The following KCNK2 variants were observed in gnomAD, a reference collection of about 807,000 sequenced individuals.
The protein encoded by KCNK2 is potassium two pore domain channel subfamily K member 2.
A neutral mutation model predicts 40.5 loss-of-function variants in KCNK2; 21 were observed. That is an observed-to-expected ratio of 0.52 (90% CI 0.37 to 0.75). KCNK2 has a LOEUF of 0.75. Among genes scored for constraint, KCNK2 ranks in the 30% least tolerant of loss-of-function variants. KCNK2 has a pLI of 0.00. For synonymous variants in KCNK2, 191 were observed against 202.2 expected (o/e 0.94, Z 0.47); for missense variants, 399 against 531.6 (o/e 0.75, Z 2.45).
At chr1:215,117,404 C>T (rs1660993592) in intron 2 of KCNK2, among the ~76,000 whole-genome samples, 1 of 152,026 alleles carries the variant, frequency 6.6e-6, no homozygotes, top group African/African-American at 2.4e-5. Flanking sequence ...AAGTATGTAT[C>T]CTTCACTGTA....
In KCNK2 at chr1:215,047,599, G is replaced by A. The variant is rs376790662; in HGVS notation, c.35-38769G>A. On this transcript the variant is annotated intron_variant, in intron 1 of 6. Coordinates refer to the KCNK2 transcript ENST00000391895. ...ATATACATCAATCCTATTAAGCAATGTAAGCAATGGTATTGATGTTTGCTC... is the reference window on the plus strand; with the variant it reads ...ATATACATCAATCCTATTAAGCAATATAAGCAATGGTATTGATGTTTGCTC... Among the ~76,000 whole-genome samples, 104 of 152,176 alleles carry A rather than the reference G, an allele frequency of 6.8e-4. 2 individuals are homozygous for A. The South Asian group carries it at 0.021, about 31-fold the overall frequency.
At chr1:215,100,150 T>C (rs571774344) in intron 2 of KCNK2, among the ~76,000 whole-genome samples, 1 of 151,942 alleles carries the variant, frequency 6.6e-6, no homozygotes, top group Admixed American at 6.6e-5. Context: ...ATTTATCTTC[T>C]AGATGTGGAG....
chr1:215,126,401 A>G (rs1182132874), intron 3 of KCNK2, among the ~76,000 whole-genome samples: 1 of 152,158 alleles, frequency 6.6e-6, no homozygotes, highest in Non-Finnish European at 1.5e-5. Flanking sequence ...TCTAACCATA[A>G]TAACAGGTTA....
At chr1:215,059,668 G>A (rs958439392) in intron 1 of KCNK2, among the ~76,000 whole-genome samples, 4 of 152,052 alleles carry the variant, frequency 2.6e-5, no homozygotes, top group Non-Finnish European at 5.9e-5. Context: ...GGTTCAAAAG[G>A]CCTGGCCCAA....
intron 2 of KCNK2, among the ~76,000 whole-genome samples, chr1:215,112,604 C>A (rs1437555881): frequency 2.0e-5 from 3 of 152,134 alleles, no homozygotes; most frequent in Non-Finnish European, 4.4e-5. Context: ...ACTCACCACT[C>A]ACTCACTGGC....
chr1:215,137,775 A>T (rs553726690), intron 3 of KCNK2, among the ~76,000 whole-genome samples: 101 of 152,338 alleles, frequency 6.6e-4, no homozygotes, highest in African/African-American at 2.3e-3. Flanking sequence ...GTGGTAAATA[A>T]CCTAATTACT....
intron 1 of KCNK2, among the ~76,000 whole-genome samples, chr1:215,007,706 C>T (rs900593614): frequency 6.6e-6 from 1 of 152,030 alleles, no homozygotes; most frequent in Non-Finnish European, 1.5e-5. Context: ...GTGGTGAAAT[C>T]CTTTGGGTAG....
At chr1:215,070,671 G>T (rs1319183818) in intron 1 of KCNK2, among the ~76,000 whole-genome samples, 1 of 152,030 alleles carries the variant, frequency 6.6e-6, no homozygotes, top group Non-Finnish European at 1.5e-5. Context: ...TCTCCCACTT[G>T]GTCCCTCCCA....
chr1:215,045,656 C>T (rs1558067897), intron 1 of KCNK2, among the ~76,000 whole-genome samples: 1 of 151,958 alleles, frequency 6.6e-6, no homozygotes, highest in Non-Finnish European at 1.5e-5. Context: ...ATCTAAAAGC[C>T]CTCTTTAATT....
chr1:215,092,012 C>A (rs1003410772), intron 2 of KCNK2, among the ~76,000 whole-genome samples: 1 of 152,050 alleles, frequency 6.6e-6, no homozygotes, highest in Non-Finnish European at 1.5e-5. Flanking sequence ...AGATAAGTAT[C>A]CAGCTCCGGC....
intron 1 of KCNK2, among the ~76,000 whole-genome samples, chr1:215,007,015 ATATATATATATATATATATATATG>A (rs1463610705): frequency 3.8e-4 from 8 of 21,040 alleles, no homozygotes; most frequent in Non-Finnish European, 1.0e-3. Context: ...ATATATATAT[ATATATATATATATATATATATATG>A]TGTGTGTGTG....
chr1:215,172,262 A>C (rs1233095794), intron 5 of KCNK2, 79 bp downstream of exon 5: 1 of 1,303,532 alleles, frequency 7.7e-7, no homozygotes, highest in Non-Finnish European at 1.1e-6. Flanking sequence ...TTATAACGAA[A>C]CACAAGGGCT....
chr1:215,220,827 T>C (rs1666140883), intron 6 of KCNK2, among the ~76,000 whole-genome samples: 1 of 152,154 alleles, frequency 6.6e-6, no homozygotes, highest in Admixed American at 6.5e-5. Context: ...AAAGTTGCAG[T>C]CCACCTCTTT....
At chr1:215,147,512 CA>C (rs1282982523) in intron 3 of KCNK2, among the ~76,000 whole-genome samples, 1 of 152,178 alleles carries the variant, frequency 6.6e-6, no homozygotes, top group Non-Finnish European at 1.5e-5. Context: ...CTCTGCATAA[CA>C]GTAGCTTTGA....
rs370849970 is a variant in KCNK2, at chr1:215,172,071, T to C, written c.711T>C (p.Phe237=). ...IIFILFGCVL[F]VALPAIIFKH... ...TTATACTATTTGGCTGTGTACTCTT[T>C]GTGGCTCTGCCTGCGATCATATTCA... The change falls in exon 5 of 7, where the codon TTT becomes TTC. Residue 237 remains phenylalanine (F), a synonymous_variant. Transcript: ENST00000444842. 4 of 1,613,574 alleles carry C rather than the reference T, an allele frequency of 2.5e-6. No homozygotes were observed. Among genetic ancestry groups the C allele is most frequent in the East Asian group, 4.5e-5 (2 of 44,844 alleles).
At chr1:215,219,636 T>C (rs930191585) in intron 6 of KCNK2, among the ~76,000 whole-genome samples, 1 of 152,212 alleles carries the variant, frequency 6.6e-6, no homozygotes, top group African/African-American at 2.4e-5. Context: ...CCTTTTCCAT[T>C]GGAAATCTCC....
At chr1:215,104,466 C>A (rs1660350990) in intron 2 of KCNK2, among the ~76,000 whole-genome samples, 1 of 152,064 alleles carries the variant, frequency 6.6e-6, no homozygotes, top group Admixed American at 6.6e-5. Context: ...AAACTCCCTG[C>A]AGGTGTGACT....
chr1:215,173,239 G>A (rs1427843507), intron 5 of KCNK2, among the ~76,000 whole-genome samples: 2 of 152,026 alleles, frequency 1.3e-5, no homozygotes, highest in African/African-American at 2.4e-5. Context: ...TTGTCCTTGC[G>A]ATAGTTTGCT....
At chr1:215,042,359 C>T (rs1657600383) in intron 1 of KCNK2, among the ~76,000 whole-genome samples, 1 of 152,064 alleles carries the variant, frequency 6.6e-6, no homozygotes, top group African/African-American at 2.4e-5. Flanking sequence ...GGGGTGTTGT[C>T]ATTAGAGGCC....
Sources: gnomAD v4.1 joint callset for allele counts (sites outside exome capture counted in the v4.1 genomes callset) on GRCh38, gnomAD v4.1.1 for gene constraint, MANE v1.5 for transcripts, NCBI Gene and HGNC (gene_info 2026-07-23, HGNC 2026-07-21) for gene names.